Variants in SYNPO observed in about 807,000 individuals in gnomAD.
The protein encoded by SYNPO is synaptopodin.
SYNPO carries 19 observed loss-of-function variants against 49.5 expected under a neutral mutation model. The ratio of observed to expected loss-of-function variants is 0.38; its 90% confidence interval spans 0.27 to 0.56. The LOEUF (loss-of-function observed/expected upper bound fraction) is 0.56. Ranked by LOEUF, SYNPO falls within the 20% of genes least tolerant of loss-of-function variation. The pLI is 0.68. For missense variants in SYNPO, 1,131 were observed against 1,248.3 expected (o/e 0.91, Z 1.42); for synonymous variants, 536 against 548.0 (o/e 0.98, Z 0.31).
At chr5:150,652,484 G>A (rs1215324724) in intron 2 of SYNPO, 1 of 859,504 alleles carries the variant, frequency 1.2e-6, no homozygotes, top group Non-Finnish European at 1.4e-6. Context: ...TGCACCTGCC[G>A]TGTGTCTGGT....
At chr5:150,593,372 G>A in the SYNPO span, among the ~76,000 whole-genome samples, 1 of 152,228 alleles carries the variant, frequency 6.6e-6, no homozygotes, top group African/African-American at 2.4e-5. Context: ...TCCCTACGCA[G>A]TCCCTTATTT....
intron 1 of SYNPO, among the ~76,000 whole-genome samples, chr5:150,611,543 G>A (rs1362198704): frequency 6.6e-6 from 1 of 152,166 alleles, no homozygotes; most frequent in Non-Finnish European, 1.5e-5. Flanking sequence ...TATGGCTCCT[G>A]GGGCTCCCCC....
upstream of SYNPO, among the ~76,000 whole-genome samples, chr5:150,636,732 C>T (rs1226345423): frequency 2.0e-5 from 3 of 150,420 alleles, no homozygotes; most frequent in African/African-American, 7.4e-5. Context: ...TCTGAGGGGG[C>T]CTGGGGTTCA....
intron 2 of SYNPO, among the ~76,000 whole-genome samples, chr5:150,623,857 G>A (rs1042650103): frequency 1.3e-5 from 2 of 152,194 alleles, no homozygotes; most frequent in African/African-American, 2.4e-5. Flanking sequence ...GGGAAACTTC[G>A]GTGAAAACCT....
intron 1 of SYNPO, among the ~76,000 whole-genome samples, chr5:150,644,340 G>T (rs558831180): frequency 6.6e-6 from 1 of 152,320 alleles, no homozygotes; most frequent in Admixed American, 6.5e-5. Flanking sequence ...AATTGTGTGG[G>T]AATTGGACTT....
the SYNPO span, among the ~76,000 whole-genome samples, chr5:150,595,885 C>G: frequency 2.0e-5 from 3 of 151,320 alleles, no homozygotes; most frequent in Non-Finnish European, 2.9e-5. Flanking sequence ...TCCTGCCTTC[C>G]CGTAAGTCGG....
chr5:150,649,885 C>T lies in SYNPO; in HGVS notation c.1610C>T (p.Ala537Val). Residue 537 changes from alanine (A) to valine (V), a missense_variant, in exon 2 of 3, where the codon GCC (alanine) becomes GTC (valine). Around this residue, in one of 4 missense-constraint regions of SYNPO, gnomAD observed 602 missense variants for 720.7 expected, o/e 0.84. Coordinates refer to ENST00000307662, the MANE Select transcript of SYNPO (RefSeq NM_007286.6). ...GAFRVASRSP[A>V]RTPPASLYHG... Reference sequence around the variant, plus strand: ...TTCCGAGTGGCATCCCGAAGCCCAGCCCGGACCCCGCCTGCCTCCCTCTAC... The same window carrying T: ...TTCCGAGTGGCATCCCGAAGCCCAGTCCGGACCCCGCCTGCCTCCCTCTAC... 1 of 1,610,038 alleles carries T rather than the reference C, an allele frequency of 6.2e-7. No individual in the cohort carries two copies.
At chr5:150,625,281 C>A (rs909948287) in intron 2 of SYNPO, among the ~76,000 whole-genome samples, 8 of 152,232 alleles carry the variant, frequency 5.3e-5, no homozygotes, top group African/African-American at 9.6e-5. Flanking sequence ...CAAGCCCGTT[C>A]TGGGAAAAGT....
chr5:150,617,377 C>A (rs913815161), intron 1 of SYNPO, among the ~76,000 whole-genome samples: 5 of 152,104 alleles, frequency 3.3e-5, no homozygotes, highest in Non-Finnish European at 5.9e-5. Flanking sequence ...TTCACTGCAA[C>A]CTCCACCTCC....
At chr5:150,632,045 C>T (rs1225455107) in intron 2 of SYNPO, among the ~76,000 whole-genome samples, 4 of 152,220 alleles carry the variant, frequency 2.6e-5, no homozygotes, top group Non-Finnish European at 4.4e-5. Flanking sequence ...CCAGCCAACC[C>T]TGGAGCCAAA....
intron 2 of SYNPO, chr5:150,653,312 T>C (rs192474058): frequency 6.6e-6 from 1 of 152,358 alleles, no homozygotes; most frequent in East Asian, 1.9e-4. Flanking sequence ...TGCTTACCAC[T>C]GCCCTCAACA....
chr5:150,624,777 G>C, intron 2 of SYNPO: 4 of 896,140 alleles, frequency 4.5e-6, no homozygotes, highest in Non-Finnish European at 5.3e-6. Flanking sequence ...AGGGGGCGTC[G>C]GGCGCGGAGC....
chr5:150,639,205 G>C (rs1026938810), upstream of SYNPO, among the ~76,000 whole-genome samples: 5 of 152,352 alleles, frequency 3.3e-5, no homozygotes, highest in Admixed American at 6.5e-5. Context: ...GGTCAGGCTT[G>C]CGCTGACTGT....
In SYNPO at chr5:150,656,476, G is replaced by A. The variant is rs1043469630; in HGVS notation, c.2101G>A (p.Gly701Ser). 1.4e-5 allele frequency: 22 copies of A among 1,532,342 alleles called. 2 individuals are homozygous for A. In the Middle Eastern group the frequency reaches 1.1e-3, roughly 73 times the overall value. 94.9% of individuals were successfully genotyped at this position (1,532,342 alleles called of 1,614,324 possible). A position where few individuals can be genotyped will look rare whatever the true frequency, so the allele number is the denominator to read the frequency against. ...GASRPPSSLD[G>S]WVSPGPWEPG... ...GTCCCGGCCCCCCAGCAGCCTAGACGGCTGGGTGAGCCCGGGCCCGTGGGA... is the reference window on the plus strand; with the variant it reads ...GTCCCGGCCCCCCAGCAGCCTAGACAGCTGGGTGAGCCCGGGCCCGTGGGA... Residue 701 changes from glycine to serine, a missense_variant, in exon 3 of 3, where the codon GGC (glycine) becomes AGC (serine). Around this residue, in one of 4 missense-constraint regions of SYNPO, gnomAD observed 509 missense variants for 484.5 expected, o/e 1.05. Transcript: ENST00000307662.
chr5:150,638,126 C>T (rs1252707413), upstream of SYNPO, among the ~76,000 whole-genome samples: 7 of 152,138 alleles, frequency 4.6e-5, no homozygotes, highest in Admixed American at 2.0e-4. Flanking sequence ...TTATCTTGAA[C>T]CTCCTAGTCT....
Position 150,649,841 on chromosome 5 carries a change from C to G in SYNPO, c.1566C>G (p.Pro522=). The G allele has an allele frequency of 1.2e-6, 2 of 1,609,100 alleles. No homozygotes were observed. Among genetic ancestry groups the G allele is most frequent in the Non-Finnish European group, 1.7e-6 (2 of 1,179,996 alleles). ...CCCTGCCTTCCTCCTGGAAATACCC[C>G]ACTAACGCCCCCGGGGCCTTCCGAG... is the stretch of plus-strand genomic sequence containing the variant. ...TMSLPSSWKY[P]TNAPGAFRVA... The change falls in exon 2 of 3, where the codon CCC becomes CCG. Residue 522 remains proline, a synonymous_variant. Coordinates refer to ENST00000307662, the MANE Select transcript of SYNPO (RefSeq NM_007286.6).
At chr5:150,650,545 T>A in intron 2 of SYNPO, 8 of 1,466,600 alleles carry the variant, frequency 5.5e-6, no homozygotes, top group Non-Finnish European at 7.2e-6. Flanking sequence ...ACAACAGGGG[T>A]CGGACTCCAT....
chr5:150,594,865 A>T, the SYNPO span, among the ~76,000 whole-genome samples: 1 of 152,174 alleles, frequency 6.6e-6, no homozygotes, highest in African/African-American at 2.4e-5. Context: ...CGTTCTGTCC[A>T]GACCTCCATC....
intron 2 of SYNPO, among the ~76,000 whole-genome samples, chr5:150,620,131 T>TTGG (rs1285102244): frequency 6.6e-6 from 1 of 152,204 alleles, no homozygotes; most frequent in Non-Finnish European, 1.5e-5. Context: ...TCCCTTCCCC[T>TTGG]TGGTGAGCTC....
Sources: gnomAD v4.1 joint callset for allele counts (sites outside exome capture counted in the v4.1 genomes callset) on GRCh38, gnomAD v4.1.1 for gene constraint, gnomAD v4.1.1 regional missense constraint, MANE v1.5 for transcripts, NCBI Gene and HGNC (gene_info 2026-07-23, HGNC 2026-07-21) for gene names.